PLPP1: variants seen among roughly 807,000 people sequenced by gnomAD.
PLPP1 encodes lipid phosphate phosphohydrolase 1a.
In PLPP1, 24 loss-of-function variants were observed where a neutral mutation model predicts 31.2. The ratio of observed to expected loss-of-function variants is 0.77; its 90% CI spans 0.56 to 1.08. PLPP1 has a LOEUF of 1.08. Among genes scored for constraint, PLPP1 ranks in the 50% least tolerant of loss-of-function variants. PLPP1 has a pLI of 0.00. For synonymous variants in PLPP1, 146 were observed against 126.3 expected (o/e 1.16, Z -1.05); for missense variants, 319 against 342.7 (o/e 0.93, Z 0.55).
In PLPP1 at chr5:55,425,502, T is replaced by C. The variant is rs1464768013; in HGVS notation, c.727-168A>G. The C allele has an allele frequency of 4.8e-6, 3 of 621,792 alleles. No individual in the cohort carries two copies. In the African/African-American group the frequency reaches 5.7e-5, roughly 12 times the overall value. The allele number at this position is 621,792 out of a possible 1,614,324, so 38.5% of individuals were successfully genotyped here. On this transcript the variant is annotated intron_variant, in intron 5 of 5. Transcript: ENST00000307259. ...CTAACTGGGATTTTTTAAAGATTAT[T>C]CCAAATTAAGAGTTGCTTTGTTATG... is the stretch of plus-strand genomic sequence containing the variant.
intron 3 of PLPP1, among the ~76,000 whole-genome samples, chr5:55,444,452 C>T (rs1030295245): frequency 5.3e-5 from 8 of 152,144 alleles, no homozygotes; most frequent in African/African-American, 1.4e-4. Context: ...CCTAAGAACC[C>T]TGCCCTTAGA....
chr5:55,507,351 T>C (rs1028622541), intron 1 of PLPP1, among the ~76,000 whole-genome samples: 2 of 152,162 alleles, frequency 1.3e-5, no homozygotes, highest in Non-Finnish European at 2.9e-5. Context: ...AATTATCAGT[T>C]ATAAAGGAAA....
intron 3 of PLPP1, among the ~76,000 whole-genome samples, chr5:55,457,164 CAA>C (rs78123061): frequency 4.0e-4 from 41 of 103,044 alleles, no homozygotes; most frequent in East Asian, 5.4e-4. Flanking sequence ...CGTCTCAGAC[CAA>C]AAAAAAAAAA....
At chr5:55,472,914 T>C (rs1752453588) in intron 2 of PLPP1, among the ~76,000 whole-genome samples, 1 of 152,248 alleles carries the variant, frequency 6.6e-6, no homozygotes, top group Admixed American at 6.5e-5. Flanking sequence ...ATCAGTGTCC[T>C]GCTCTACTGC....
chr5:55,428,464 C>T (rs894813735), intron 4 of PLPP1, among the ~76,000 whole-genome samples: 2 of 152,204 alleles, frequency 1.3e-5, no homozygotes, highest in Non-Finnish European at 2.9e-5. Context: ...CCCAGAAATC[C>T]GGACTGGCTT....
chr5:55,534,163 C>A (rs1444812071), intron 1 of PLPP1, among the ~76,000 whole-genome samples: 1 of 152,212 alleles, frequency 6.6e-6, no homozygotes, highest in African/African-American at 2.4e-5. Flanking sequence ...ATAAATCAGG[C>A]ACTGGCGCCT....
rs1751347104 is a variant in PLPP1 at position 55,431,531 on chromosome 5, T to G, written c.550-5492A>C. Among the ~76,000 whole-genome samples, 3 of 126,552 alleles carry G rather than the reference T, an allele frequency of 2.4e-5. No individual in the cohort carries two copies. In the South Asian group the frequency reaches 8.8e-4, roughly 37 times the overall value. 83.0% of individuals were successfully genotyped at this position (126,552 alleles called of 152,430 possible). A position where few individuals can be genotyped will look rare whatever the true frequency, so the allele number is the denominator to read the frequency against. ...AAACAACATGCTCCTGAATGACCAC[T>G]GGGTCAGGGAATAAATTAAAGGAAT... On this transcript the variant is annotated intron_variant, in intron 4 of 5. Transcript: ENST00000307259.
At chr5:55,445,668 C>G (rs1395492917) in intron 3 of PLPP1, among the ~76,000 whole-genome samples, 1 of 151,174 alleles carries the variant, frequency 6.6e-6, no homozygotes, top group African/African-American at 2.4e-5. Flanking sequence ...CCTCAGCCTC[C>G]CAAGTAGCAG....
intron 1 of PLPP1, chr5:55,530,826 C>A: frequency 1.5e-6 from 2 of 1,301,786 alleles, no homozygotes; most frequent in Non-Finnish European, 2.2e-6. Flanking sequence ...TGAGCACCTC[C>A]TGACAGACGG....
chr5:55,435,383 T>C (rs1437751767), intron 4 of PLPP1, among the ~76,000 whole-genome samples: 6 of 138,198 alleles, frequency 4.3e-5, no homozygotes, highest in African/African-American at 1.6e-4. Flanking sequence ...AACTGGGCTT[T>C]TTAAAAGGTA....
rs1345111591 is a variant in PLPP1 at position 55,434,191 on chromosome 5, G to GA, written c.549+7659dup. Among the ~76,000 whole-genome samples the GA allele has an allele frequency of 2.7e-5, 4 of 145,854 alleles. No homozygotes were observed. In the East Asian group the frequency reaches 8.1e-4, roughly 29 times the overall value. On this transcript the variant is annotated intron_variant, in intron 4 of 5. Coordinates refer to ENST00000307259, the MANE Select transcript of PLPP1 (RefSeq NM_003711.4). Reference sequence around the variant, plus strand: ...AATAGCTACAAAAAAAGAAGAAGAAGAAAAAAAGACACCTAGGGATCTATT... The same window carrying GA: ...AATAGCTACAAAAAAAGAAGAAGAAGAAAAAAAAGACACCTAGGGATCTATT...
At chr5:55,468,275 C>T (rs959419710) in intron 2 of PLPP1, 126 bp from the exon 3 acceptor site, 2 of 853,042 alleles carry the variant, frequency 2.3e-6, no homozygotes, top group African/African-American at 3.4e-5. Context: ...ACAGTCCCAG[C>T]CCCTTTTTTC....
intron 1 of PLPP1, among the ~76,000 whole-genome samples, chr5:55,487,556 C>T (rs116006409): frequency 0.022 from 3,315 of 151,950 alleles, 44 homozygotes; most frequent in Non-Finnish European, 0.032. Context: ...GATTATGAAC[C>T]TCGCATTGTA....
chr5:55,516,777 G>C (rs1348141656), intron 1 of PLPP1, among the ~76,000 whole-genome samples: 1 of 152,164 alleles, frequency 6.6e-6, no homozygotes, highest in Admixed American at 6.6e-5. Flanking sequence ...AAAATGAATG[G>C]AAATTTGTTT....
intron 1 of PLPP1, among the ~76,000 whole-genome samples, chr5:55,483,001 T>A (rs923341219): frequency 2.0e-5 from 3 of 152,150 alleles, no homozygotes; most frequent in Non-Finnish European, 4.4e-5. Context: ...ATCTCCCTCA[T>A]CTTCCAAAAC....
intron 1 of PLPP1, among the ~76,000 whole-genome samples, chr5:55,509,659 T>C (rs1384557568): frequency 2.0e-5 from 3 of 152,198 alleles, no homozygotes; most frequent in African/African-American, 4.8e-5. Context: ...AAAATAAATT[T>C]GTGTATATAT....
At chr5:55,438,426 G>C (rs1236086369) in intron 4 of PLPP1, among the ~76,000 whole-genome samples, 1 of 152,186 alleles carries the variant, frequency 6.6e-6, no homozygotes, top group African/African-American at 2.4e-5. Flanking sequence ...TTTTTAACTA[G>C]AAGTTAATTT....
At chr5:55,431,233 C>A (rs1295037137) in intron 4 of PLPP1, among the ~76,000 whole-genome samples, 2 of 152,128 alleles carry the variant, frequency 1.3e-5, no homozygotes, top group Non-Finnish European at 1.5e-5. Flanking sequence ...AGATGCAATT[C>A]AAAAATCCAT....
intron 1 of PLPP1, chr5:55,530,084 C>T (rs1465966341): frequency 1.0e-5 from 8 of 783,170 alleles, no homozygotes; most frequent in East Asian, 2.4e-5. Context: ...GTTACTGAAA[C>T]GGTGACTTCA....
Sources: gnomAD v4.1 joint callset for allele counts (sites outside exome capture counted in the v4.1 genomes callset) on GRCh38, gnomAD v4.1.1 for gene constraint, MANE v1.5 for transcripts, NCBI Gene and HGNC (gene_info 2026-07-23, HGNC 2026-07-21) for gene names.